The following JAK2 variants were observed in gnomAD, a reference collection of about 807,000 sequenced individuals.
JAK2 encodes tyrosine-protein kinase JAK2.
JAK2 carries 86 observed loss-of-function variants against 139.3 expected under a neutral mutation model. The ratio of observed to expected loss-of-function variants is 0.62; its 90% confidence interval spans 0.52 to 0.74. The LOEUF (loss-of-function observed/expected upper bound fraction) is 0.74. Among genes scored for constraint, JAK2 ranks in the 30% least tolerant of loss-of-function variants. The pLI is 0.00. For missense variants in JAK2, 1,421 were observed against 1,360.3 expected, an observed-to-expected ratio of 1.04 and a Z score of -0.70; for synonymous variants, 490 against 437.7, an observed-to-expected ratio of 1.12 and a Z score of -1.49.
chr9:5,050,805 C>T lies in JAK2; in HGVS notation c.588C>T (p.Thr196=). The change falls in exon 6 of 25, where the codon ACC becomes ACT. Residue 196 remains threonine (T), a synonymous_variant. Coordinates refer to ENST00000381652, the MANE Select transcript of JAK2 (RefSeq NM_004972.4). ...MMRIAKENDQ[T]PLAIYNSISY... ...GAATAGCCAAAGAAAACGATCAAAC[C>T]CCACTGGCCATCTATAACTCTATCA... 1.9e-6 allele frequency: 3 copies of T among 1,613,476 alleles called. No individual in the cohort carries two copies. The highest frequency in any genetic ancestry group is 2.5e-6 in the Non-Finnish European group (3 of 1,179,574).
intron 22 of JAK2, among the ~76,000 whole-genome samples, 186 bp from the exon 23 acceptor site, chr9:5,122,818 C>T (rs539789840): frequency 1.3e-5 from 2 of 151,322 alleles, no homozygotes; most frequent in East Asian, 3.9e-4. Context: ...TTGTGGAATC[C>T]CTCCTGAAAT....
chr9:5,052,621 C>G (rs1817497409), intron 6 of JAK2, among the ~76,000 whole-genome samples: 2 of 151,930 alleles, frequency 1.3e-5, no homozygotes, highest in Admixed American at 1.3e-4. Context: ...TGAAAGAAAC[C>G]CCATGCCCAT....
chr9:5,029,922 A>T lies in JAK2; in HGVS notation c.350+16A>T. 2 of 1,572,320 alleles carry T rather than the reference A, an allele frequency of 1.3e-6. No homozygotes were observed. Among genetic ancestry groups the T allele is most frequent in the Non-Finnish European group, 1.7e-6 (2 of 1,164,802 alleles). Reference sequence around the variant, plus strand: ...ACAGAATAAGGTACTTTCTTCAGTAAAGTAACTCACTTAATGCTAAAAGGC... The same window carrying T: ...ACAGAATAAGGTACTTTCTTCAGTATAGTAACTCACTTAATGCTAAAAGGC... On this transcript the variant is annotated intron_variant, in intron 4 of 24. Transcript: ENST00000381652.
intron 23 of JAK2, among the ~76,000 whole-genome samples, 181 bp downstream of exon 23, chr9:5,123,302 A>G (rs765681524): frequency 6.6e-6 from 1 of 151,626 alleles, no homozygotes; most frequent in Non-Finnish European, 1.5e-5. Context: ...CTCAGCATCT[A>G]CTCCACCAAT....
intron 22 of JAK2, chr9:5,108,346 G>A (rs1167699893): frequency 2.6e-5 from 4 of 151,916 alleles, no homozygotes; most frequent in Admixed American, 6.6e-5. Flanking sequence ...CAACCAGAAC[G>A]CCTCAATGCA....
intron 2 of JAK2, among the ~76,000 whole-genome samples, chr9:5,017,212 T>C (rs1370458900): frequency 6.6e-6 from 1 of 152,164 alleles, no homozygotes; most frequent in African/African-American, 2.4e-5. Flanking sequence ...CAACATATTT[T>C]TTTCAAAGAC....
At chr9:5,067,294 G>GT (rs1818636952) in intron 10 of JAK2, among the ~76,000 whole-genome samples, 1 of 152,040 alleles carries the variant, frequency 6.6e-6, no homozygotes, top group African/African-American at 2.4e-5. Flanking sequence ...TACAATGCAT[G>GT]TTTCAACGGT....
chr9:5,068,219 C>G (rs73393502), intron 10 of JAK2, among the ~76,000 whole-genome samples: 1,762 of 151,024 alleles, frequency 0.012, 33 homozygotes, highest in African/African-American at 0.038. Context: ...TAGGAAGAAC[C>G]TGATTGACCT....
At chr9:5,087,890 A>C (rs1163932941) in intron 19 of JAK2, among the ~76,000 whole-genome samples, 1 of 152,220 alleles carries the variant, frequency 6.6e-6, no homozygotes, top group Non-Finnish European at 1.5e-5. Flanking sequence ...CTTAGTGTAC[A>C]TTTATGTTTC....
rs56691830 is a variant in JAK2, at chr9:5,103,221, C to CA, written c.3059+12344dup. Among the ~76,000 whole-genome samples the CA allele has an allele frequency of 3.8e-3, 26 of 6,866 alleles. 7 individuals are homozygous for CA. Among genetic ancestry groups the CA allele is most frequent in the East Asian group, 0.011 (3 of 274 alleles). 4.5% of individuals were successfully genotyped at this position (6,866 alleles called of 152,430 possible). The stretch of plus-strand genomic sequence containing the variant: ...GAAGATCTACCAAGCAAAGGGAAAG[C>CA]AAAAAAAAAAAAAAAAAAAAAAAAA... On this transcript the variant is annotated intron_variant, in intron 22 of 24. Transcript: ENST00000381652.
In JAK2 at chr9:5,016,061, T is replaced by C. The variant is rs112191440; in HGVS notation, c.-25-5902T>C. On this transcript the variant is annotated intron_variant, in intron 2 of 24. Coordinates refer to ENST00000381652, the MANE Select transcript of JAK2 (RefSeq NM_004972.4). ...GCTCTTGTGGTACAACATGGATGAC[T>C]AGAGGCAGGTCCAGGATGTTACTTT... is the stretch of plus-strand genomic sequence containing the variant. Among the ~76,000 whole-genome samples, 151 of 152,300 alleles carry C rather than the reference T, an allele frequency of 9.9e-4. 3 individuals carry two copies. Among genetic ancestry groups the C allele is most frequent in the African/African-American group, 3.4e-3 (141 of 41,566 alleles).
intron 22 of JAK2, among the ~76,000 whole-genome samples, chr9:5,116,007 G>C (rs776670330): frequency 2.0e-5 from 3 of 151,842 alleles, no homozygotes; most frequent in Non-Finnish European, 4.4e-5. Context: ...GTATACCTAC[G>C]TTAACAAACC....
intron 22 of JAK2, among the ~76,000 whole-genome samples, chr9:5,103,113 A>G (rs1279414937): frequency 4.0e-5 from 6 of 151,376 alleles, no homozygotes; most frequent in Non-Finnish European, 5.9e-5. Flanking sequence ...TTGGATAAAG[A>G]TTGAAGACCC....
chr9:5,110,687 T>C, intron 22 of JAK2: 1 of 322,058 alleles, frequency 3.1e-6, no homozygotes, highest in African/African-American at 2.2e-5. Context: ...GCCTGAGCCC[T>C]TTCTATTACT....
chr9:5,053,863 G>C (rs115646161), intron 6 of JAK2, among the ~76,000 whole-genome samples: 1 of 152,106 alleles, frequency 6.6e-6, no homozygotes, highest in African/African-American at 2.4e-5. Context: ...TGAGTAACTA[G>C]ATAGGAGATG....
At chr9:5,011,132 T>A (rs564382989) in intron 2 of JAK2, among the ~76,000 whole-genome samples, 26 of 152,332 alleles carry the variant, frequency 1.7e-4, no homozygotes, top group Admixed American at 4.6e-4. Flanking sequence ...ACTTTTTGGA[T>A]CGGTGGTTTG....
Position 5,072,478 on chromosome 9 carries a change from T to C in JAK2, c.1642-14T>C, listed in dbSNP as rs1391635123. 3 of 1,517,072 alleles carry C rather than the reference T, an allele frequency of 2.0e-6. No homozygotes were observed. Among genetic ancestry groups the C allele is most frequent in the Non-Finnish European group, 2.7e-6 (3 of 1,127,282 alleles). 94.0% of individuals were successfully genotyped at this position (1,517,072 alleles called of 1,614,324 possible). On this transcript the variant is annotated splice_polypyrimidine_tract_variant and intron_variant, in intron 12 of 24. Coordinates refer to ENST00000381652, the MANE Select transcript of JAK2 (RefSeq NM_004972.4). ...TCTTTACTCATTCTTTTCTTTTACC[T>C]TTTTCTCTTGAAGAATGAAAGCCTT...
At position 5,127,262 on chromosome 9, in the gene JAK2, T is replaced by TTAATC. The variant is rs1450927255; in HGVS notation, c.*474_*478dup. On this transcript the variant is annotated 3_prime_UTR_variant, in exon 25 of 25. Coordinates refer to ENST00000381652, the MANE Select transcript of JAK2 (RefSeq NM_004972.4). ...ATACTGTTTTCTAATTTTTCCATAG[T>TTAATC]TAATCTATAATTAATTACTTCACTA... 4.3e-6 allele frequency: 1 copy of TTAATC among 232,432 alleles called. No individual in the cohort carries two copies. Among genetic ancestry groups the TTAATC allele is most frequent in the African/African-American group, 2.2e-5 (1 of 45,278 alleles). 14.4% of individuals were successfully genotyped at this position (232,432 alleles called of 1,614,324 possible).
chr9:5,059,860 C>G (rs560775462), intron 8 of JAK2, among the ~76,000 whole-genome samples: 9 of 152,244 alleles, frequency 5.9e-5, no homozygotes, highest in African/African-American at 2.2e-4. Flanking sequence ...TATGAAGTGC[C>G]TGTGACAGTC....
Sources: gnomAD v4.1 joint callset for allele counts (sites outside exome capture counted in the v4.1 genomes callset) on GRCh38, gnomAD v4.1.1 for gene constraint, MANE v1.5 for transcripts, NCBI Gene and HGNC (gene_info 2026-07-23, HGNC 2026-07-21) for gene names.